The following RBM47 variants were observed in gnomAD, a reference collection of about 807,000 sequenced individuals.
RBM47 encodes the protein RNA binding motif protein 47.
RBM47 carries 21 observed loss-of-function variants against 47.1 expected under a neutral mutation model. That is an observed-to-expected ratio of 0.45 (90% CI 0.32 to 0.64). RBM47 has a LOEUF of 0.64. Ranked by LOEUF, RBM47 falls within the 30% of genes least tolerant of loss-of-function variation. RBM47 has a pLI of 0.05. For synonymous variants in RBM47, 375 were observed against 361.7 expected, an observed-to-expected ratio of 1.04 and a Z score of -0.42; for missense variants, 708 against 870.9, an observed-to-expected ratio of 0.81 and a Z score of 2.35.
Position 40,628,281 on chromosome 4 carries a change from G to C in RBM47, c.-240+1115C>G, listed in dbSNP as rs948908968. On this transcript the variant is annotated intron_variant, in intron 1 of 6. Coordinates refer to ENST00000295971, the MANE Select transcript of RBM47 (RefSeq NM_001098634.2). This position sits in a 1 kb window ranked among gnomAD's most constrained non-coding sequence, Gnocchi z 4.0. ...TCCTTCTGTTTTCCTTTCAGACTGG[G>C]TTGATTTTAGTTCCCTCCAAGACTT... Among the ~76,000 whole-genome samples the C allele has an allele frequency of 6.6e-6, 1 of 152,126 alleles. No homozygotes were observed. Among genetic ancestry groups the C allele is most frequent in the Non-Finnish European group, 1.5e-5 (1 of 68,032 alleles).
At chr4:40,494,296 CAT>C (rs1288134898) in intron 2 of RBM47, among the ~76,000 whole-genome samples, 2 of 152,214 alleles carry the variant, frequency 1.3e-5, no homozygotes, top group Non-Finnish European at 2.9e-5. Context: ...ATAATGTTAA[CAT>C]GAGTCCCTTC....
At position 40,609,826 on chromosome 4, in the gene RBM47, G is replaced by A. The variant is rs185099025; in HGVS notation, c.-240+19570C>T. On this transcript the variant is annotated intron_variant, in intron 1 of 6. Coordinates refer to ENST00000295971, the MANE Select transcript of RBM47 (RefSeq NM_001098634.2). ...AAGGCTCATTCAAGCCAGGCGCTGT[G>A]GCTCACACCTGTAATCCCAGCATTT... is the stretch of plus-strand genomic sequence containing the variant. Among the ~76,000 whole-genome samples, 100 of 151,892 alleles carry A rather than the reference G, an allele frequency of 6.6e-4. No individual in the cohort carries two copies. The East Asian group carries it at 0.018, about 27-fold the overall frequency.
At chr4:40,539,742 A>G in intron 2 of RBM47, among the ~76,000 whole-genome samples, 1 of 26,982 alleles carries the variant, frequency 3.7e-5, no homozygotes, top group East Asian at 1.2e-3. Context: ...TCTGTCTCAA[A>G]AAAAAAAAAA....
intron 1 of RBM47, among the ~76,000 whole-genome samples, chr4:40,599,979 T>A (rs1735097159): frequency 6.6e-6 from 1 of 152,066 alleles, no homozygotes; most frequent in Non-Finnish European, 1.5e-5. Flanking sequence ...AATTTTTGGA[T>A]GAGTGCCTTT....
intron 1 of RBM47, among the ~76,000 whole-genome samples, chr4:40,607,379 T>C (rs766168078): frequency 3.2e-4 from 48 of 152,258 alleles, no homozygotes; most frequent in Non-Finnish European, 6.6e-4. Flanking sequence ...GATTGCTTAA[T>C]AGGTTTGGAC....
chr4:40,562,979 G>T (rs1730777160), intron 1 of RBM47, among the ~76,000 whole-genome samples: 1 of 152,146 alleles, frequency 6.6e-6, no homozygotes, highest in African/African-American at 2.4e-5. Flanking sequence ...GGGTAAACAG[G>T]CTACTAAAAA....
intron 1 of RBM47, among the ~76,000 whole-genome samples, chr4:40,607,309 T>C (rs1360941953): frequency 6.6e-6 from 1 of 152,076 alleles, no homozygotes; most frequent in Non-Finnish European, 1.5e-5. Context: ...GACAGGCAAA[T>C]CTATAGTCAA....
In RBM47 at chr4:40,508,981, T is replaced by C. The variant is rs564250813; in HGVS notation, c.-155+35441A>G. Among the ~76,000 whole-genome samples, 200 of 152,144 alleles carry C rather than the reference T, an allele frequency of 1.3e-3. 1 individual carries two copies. The highest frequency in any genetic ancestry group is 4.6e-3 in the African/African-American group (192 of 41,506). ...TTCGAGACCAGCCTGGCCAACATGG[T>C]GAAACCCTGTCTCTACTAAAAATAC... On this transcript the variant is annotated intron_variant, in intron 2 of 6. Transcript: ENST00000295971.
At position 40,558,688 on chromosome 4, in the gene RBM47, T is replaced by TGTG. The variant is rs541915671; in HGVS notation, c.-239-14185_-239-14183dup. Among the ~76,000 whole-genome samples, 1,207 of 151,902 alleles carry TGTG rather than the reference T, an allele frequency of 7.9e-3. 7 individuals are homozygous for TGTG. Among genetic ancestry groups the TGTG allele is most frequent in the Non-Finnish European group, 0.014 (935 of 67,956 alleles). On this transcript the variant is annotated intron_variant, in intron 1 of 6. Coordinates refer to ENST00000295971, the MANE Select transcript of RBM47 (RefSeq NM_001098634.2). ...ACTAAAAATACAAAAATTAGCCAGG[T>TGTG]GTGGTGGTGGACACCTGTAGTTCCA...
intron 5 of RBM47, among the ~76,000 whole-genome samples, chr4:40,433,589 G>A (rs1241801015): frequency 1.3e-5 from 2 of 152,152 alleles, no homozygotes; most frequent in African/African-American, 2.4e-5. Context: ...AGTTGGGCCT[G>A]CCTGTTCCTT....
In RBM47 at chr4:40,528,949, AAAAT is replaced by A. The variant is rs1553896750; in HGVS notation, c.-155+15469_-155+15472del. 2.9e-3 allele frequency among the ~76,000 whole-genome samples: 255 copies of A among 88,620 alleles called. 3 individuals carry two copies. Among genetic ancestry groups the A allele is most frequent in the East Asian group, 0.027 (107 of 3,918 alleles). 58.1% of individuals were successfully genotyped at this position (88,620 alleles called of 152,430 possible). A position where few individuals can be genotyped will look rare whatever the true frequency, so the allele number is the denominator to read the frequency against. Reference sequence around the variant, plus strand: ...CAGAGCGAGACTCCGTCTCAAAAAAAAAATAAATAAATAAATAAATAAATAAATA... The same window carrying A: ...CAGAGCGAGACTCCGTCTCAAAAAAAAAATAAATAAATAAATAAATAAATA... On this transcript the variant is annotated intron_variant, in intron 2 of 6. Coordinates refer to ENST00000295971, the MANE Select transcript of RBM47 (RefSeq NM_001098634.2).
At chr4:40,577,539 TAA>T (rs544850769) in intron 1 of RBM47, among the ~76,000 whole-genome samples, 3 of 140,426 alleles carry the variant, frequency 2.1e-5, no homozygotes, top group Admixed American at 7.2e-5. Flanking sequence ...AGATTCTGTT[TAA>T]AAAAAAAAAA....
chr4:40,626,139 TA>T (rs1341871624), intron 1 of RBM47, among the ~76,000 whole-genome samples: 1 of 152,224 alleles, frequency 6.6e-6, no homozygotes, highest in Non-Finnish European at 1.5e-5. Flanking sequence ...TTACATAAAC[TA>T]AGTTCCTATG....
chr4:40,565,709 T>C (rs1167892717), intron 1 of RBM47, among the ~76,000 whole-genome samples: 1 of 152,032 alleles, frequency 6.6e-6, no homozygotes, highest in Non-Finnish European at 1.5e-5. Flanking sequence ...CTTCCCCAGC[T>C]CACACCATCT....
intron 3 of RBM47, among the ~76,000 whole-genome samples, chr4:40,465,069 A>C (rs1378437441): frequency 6.6e-6 from 1 of 152,028 alleles, no homozygotes; most frequent in African/African-American, 2.4e-5. Context: ...AAGAAGAAAA[A>C]AATTACAATT....
chr4:40,584,024 T>C (rs907709337), intron 1 of RBM47, among the ~76,000 whole-genome samples: 1 of 152,064 alleles, frequency 6.6e-6, no homozygotes, highest in Non-Finnish European at 1.5e-5. Context: ...CTGGCTGGAG[T>C]GCAGTGACGC....
intron 3 of RBM47, among the ~76,000 whole-genome samples, chr4:40,446,569 C>T (rs903793438): frequency 6.6e-6 from 1 of 151,774 alleles, no homozygotes; most frequent in Non-Finnish European, 1.5e-5. Flanking sequence ...GAGACCCCAT[C>T]TCTACAAAAA....
At chr4:40,570,965 C>G (rs1261397765) in intron 1 of RBM47, among the ~76,000 whole-genome samples, 1 of 151,996 alleles carries the variant, frequency 6.6e-6, no homozygotes, top group Non-Finnish European at 1.5e-5. Context: ...CCTGTATTCC[C>G]AGCACTTTGG....
chr4:40,443,971 G>A (rs779256144), intron 3 of RBM47, among the ~76,000 whole-genome samples: 5 of 152,078 alleles, frequency 3.3e-5, no homozygotes, highest in Non-Finnish European at 5.9e-5. Flanking sequence ...GGCTGAGGCA[G>A]GTAGATTGCT....
Sources: gnomAD v4.1 joint callset for allele counts (sites outside exome capture counted in the v4.1 genomes callset) on GRCh38, gnomAD v4.1.1 for gene constraint, Gnocchi (gnomAD v3.1) non-coding constraint, MANE v1.5 for transcripts, NCBI Gene and HGNC (gene_info 2026-07-23, HGNC 2026-07-21) for gene names.